The following SGCD variants were observed in gnomAD, a reference collection of about 807,000 sequenced individuals.
The protein encoded by SGCD is sarcoglycan delta, also known as delta-sarcoglycan.
Under a neutral mutation model 36.6 loss-of-function variants are expected in SGCD, and 18 were observed. The observed-to-expected ratio is 0.49, with a 90% CI of 0.34 to 0.73. The LOEUF is 0.73. Among genes scored for constraint, SGCD ranks in the 30% least tolerant of loss-of-function variants. The probability of loss-of-function intolerance (pLI) is 0.01; values close to 1 mark genes in which losing one functional copy is unlikely to be tolerated. For missense variants in SGCD, 387 were observed against 346.7 expected, an observed-to-expected ratio of 1.12 and a Z score of -0.92; for synonymous variants, 133 against 130.6, an observed-to-expected ratio of 1.02 and a Z score of -0.12.
At chr5:155,787,740 C>A in the SGCD span, among the ~76,000 whole-genome samples, 1 of 152,008 alleles carries the variant, frequency 6.6e-6, no homozygotes, top group Non-Finnish European at 1.5e-5. Flanking sequence ...TTTATAGCTA[C>A]ATGGCACCGG....
At chr5:155,792,635 C>A in the SGCD span, among the ~76,000 whole-genome samples, 225 of 152,004 alleles carry the variant, frequency 1.5e-3, no homozygotes, top group African/African-American at 5.2e-3. Context: ...ATGCAAGGAG[C>A]CAACAAACAT....
the SGCD span, among the ~76,000 whole-genome samples, chr5:155,741,687 CTT>C: frequency 0.1 from 13,611 of 132,188 alleles, 764 homozygotes; most frequent in East Asian, 0.2. Context: ...CTTTTCTTTT[CTT>C]TTTTTTTTTT....
intron 3 of SGCD, among the ~76,000 whole-genome samples, chr5:156,268,580 TTCC>T (rs1265501123): frequency 1.3e-5 from 2 of 151,734 alleles, no homozygotes; most frequent in Non-Finnish European, 2.9e-5. Flanking sequence ...CCTTCCTTCC[TTCC>T]TTCCTTCCTT....
the SGCD span, among the ~76,000 whole-genome samples, chr5:155,823,779 A>T: frequency 6.6e-6 from 1 of 152,224 alleles, no homozygotes; most frequent in Non-Finnish European, 1.5e-5. Flanking sequence ...TGTTAGACAA[A>T]GCATTGCCTG....
chr5:156,200,719 T>G (rs1764127142), intron 3 of SGCD, among the ~76,000 whole-genome samples: 1 of 152,192 alleles, frequency 6.6e-6, no homozygotes, highest in African/African-American at 2.4e-5. Context: ...ATGTTATGAT[T>G]CAGCAATCCC....
At chr5:156,723,098 C>G (rs1250021225) in intron 7 of SGCD, among the ~76,000 whole-genome samples, 1 of 152,180 alleles carries the variant, frequency 6.6e-6, no homozygotes, top group African/African-American at 2.4e-5. Flanking sequence ...AATGCCAGCA[C>G]TACCAAATTT....
chr5:156,583,984 A>G (rs1760388854), intron 4 of SGCD, among the ~76,000 whole-genome samples: 1 of 152,222 alleles, frequency 6.6e-6, no homozygotes, highest in Non-Finnish European at 1.5e-5. Context: ...TTGATAGAAG[A>G]AAATATATAG....
At chr5:155,835,547 G>A in the SGCD span, among the ~76,000 whole-genome samples, 2 of 151,966 alleles carry the variant, frequency 1.3e-5, no homozygotes, top group Non-Finnish European at 2.9e-5. Context: ...TATATATTTA[G>A]GTATACAGTA....
chr5:156,429,118 T>C (rs1773807733), intron 3 of SGCD, among the ~76,000 whole-genome samples: 1 of 152,036 alleles, frequency 6.6e-6, no homozygotes, highest in Admixed American at 6.6e-5. Flanking sequence ...CCCAGTGTTA[T>C]TATGTTGCTG....
At chr5:156,447,039 G>A (rs1423751799) in intron 3 of SGCD, among the ~76,000 whole-genome samples, 1 of 152,148 alleles carries the variant, frequency 6.6e-6, no homozygotes, top group Non-Finnish European at 1.5e-5. Context: ...TGAGAACACA[G>A]AAAGGATGTT....
chr5:156,135,691 G>A (rs186335269), intron 3 of SGCD, among the ~76,000 whole-genome samples: 3 of 152,206 alleles, frequency 2.0e-5, no homozygotes, highest in African/African-American at 4.8e-5. Context: ...TTAGGCTTCA[G>A]AAGCCAAGAA....
At chr5:156,373,683 G>A (rs917757017) in intron 3 of SGCD, among the ~76,000 whole-genome samples, 4 of 152,174 alleles carry the variant, frequency 2.6e-5, no homozygotes, top group Non-Finnish European at 4.4e-5. Context: ...TCAGTGCTAA[G>A]AGAAAATGAA....
intron 1 of SGCD, among the ~76,000 whole-genome samples, chr5:156,073,350 G>T (rs1055081865): frequency 1.3e-5 from 2 of 152,124 alleles, no homozygotes; most frequent in African/African-American, 2.4e-5. Flanking sequence ...TTTAGCCCAG[G>T]ATTTCAAGAC....
intron 4 of SGCD, among the ~76,000 whole-genome samples, chr5:156,553,401 A>G (rs540428493): frequency 2.2e-4 from 33 of 152,306 alleles, no homozygotes; most frequent in African/African-American, 6.7e-4. Context: ...GATTTGATGT[A>G]TTTGAGCACC....
At chr5:156,590,695 G>A (rs1036009057) in intron 5 of SGCD, among the ~76,000 whole-genome samples, 4 of 151,934 alleles carry the variant, frequency 2.6e-5, no homozygotes, top group African/African-American at 9.7e-5. Flanking sequence ...GATAAATCTG[G>A]AACTGCCCAA....
chr5:156,529,906 G>GGCAA (rs1757815303), intron 4 of SGCD, among the ~76,000 whole-genome samples: 2 of 152,170 alleles, frequency 1.3e-5, no homozygotes, highest in African/African-American at 2.4e-5. Flanking sequence ...TATTAGCAAT[G>GGCAA]ATTCTTCCTC....
At chr5:155,815,818 C>A in the SGCD span, among the ~76,000 whole-genome samples, 1 of 151,894 alleles carries the variant, frequency 6.6e-6, no homozygotes, top group Non-Finnish European at 1.5e-5. Flanking sequence ...CTGGGGATTA[C>A]AATTCTACAT....
chr5:155,942,318 G>GTATCTATCTATCTATC (rs1215503536), intron 1 of SGCD, among the ~76,000 whole-genome samples: 61 of 73,734 alleles, frequency 8.3e-4, no homozygotes, highest in East Asian at 1.7e-3. Flanking sequence ...ATGTATGTAT[G>GTATCTATCTATCTATC]TATGTATGTA....
chr5:155,952,362 A>G (rs1031268930), intron 1 of SGCD, among the ~76,000 whole-genome samples: 3 of 151,632 alleles, frequency 2.0e-5, no homozygotes, highest in African/African-American at 7.3e-5. Flanking sequence ...TTTTTTTTTT[A>G]ATGTGACTGA....
Sources: allele counts gnomAD v4.1 joint callset (sites outside exome capture counted in the v4.1 genomes callset), GRCh38; gene constraint gnomAD v4.1.1; transcripts MANE v1.5; gene names NCBI Gene and HGNC (gene_info 2026-07-23, HGNC 2026-07-21).